Variants in DIS3L2 observed in about 807,000 individuals in gnomAD.
The protein encoded by DIS3L2 is DIS3-like exonuclease 2.
DIS3L2 carries 34 observed loss-of-function variants against 97.5 expected under a neutral mutation model. The ratio of observed to expected loss-of-function variants is 0.35; its 90% CI spans 0.27 to 0.46. The LOEUF (loss-of-function observed/expected upper bound fraction) is 0.46, where lower values mean the gene tolerates loss of function less well. DIS3L2 is among the 20% of genes least tolerant of loss of function. The probability of loss-of-function intolerance (pLI) is 1.00; values close to 1 mark genes in which losing one functional copy is unlikely to be tolerated. For missense variants in DIS3L2, 1,038 were observed against 1,146.0 expected (o/e 0.91, Z 1.36); for synonymous variants, 435 against 445.2 (o/e 0.98, Z 0.29).
intron 3 of DIS3L2, among the ~76,000 whole-genome samples, chr2:232,017,247 T>C (rs1004395696): frequency 2.3e-4 from 35 of 152,108 alleles, no homozygotes; most frequent in African/African-American, 8.0e-4. Context: ...AAATTAGTCA[T>C]GCCATCATGC....
At chr2:232,219,732 C>A (rs994078958) in intron 10 of DIS3L2, among the ~76,000 whole-genome samples, 1 of 152,102 alleles carries the variant, frequency 6.6e-6, no homozygotes, top group Non-Finnish European at 1.5e-5. Context: ...ACTGCTCTTC[C>A]CTTTTCATCC....
At chr2:232,149,104 C>T (rs957999869) in intron 8 of DIS3L2, among the ~76,000 whole-genome samples, 2 of 148,702 alleles carry the variant, frequency 1.3e-5, no homozygotes, top group South Asian at 2.1e-4. Context: ...TCAGATGGTG[C>T]GTGAAAATGA....
chr2:232,343,512 A>G (rs1172635567), exon 14 of DIS3L2: 1 of 1,558,608 alleles, frequency 6.4e-7, no homozygotes, highest in African/African-American at 1.4e-5. Flanking sequence ...AGAGCCGTGT[A>G]TTGGAAGCAA....
chr2:231,964,462 G>C (rs1692656697), intron 1 of DIS3L2, among the ~76,000 whole-genome samples: 1 of 152,072 alleles, frequency 6.6e-6, no homozygotes, highest in African/African-American at 2.4e-5. Context: ...TAATAGCATG[G>C]ACTTACACTT....
At chr2:232,115,006 G>C (rs769270870) in intron 6 of DIS3L2, among the ~76,000 whole-genome samples, 1 of 152,100 alleles carries the variant, frequency 6.6e-6, no homozygotes, top group Non-Finnish European at 1.5e-5. Flanking sequence ...AGCTGAATGT[G>C]TTAGCTCAGG....
chr2:232,250,891 G>GA (rs60073493), intron 12 of DIS3L2, among the ~76,000 whole-genome samples: 1,872 of 152,074 alleles, frequency 0.012, 45 homozygotes, highest in African/African-American at 0.043. Context: ...AAAACATAAA[G>GA]ATACTAACCT....
At chr2:232,309,223 A>C (rs1695060513) in intron 14 of DIS3L2, among the ~76,000 whole-genome samples, 1 of 152,042 alleles carries the variant, frequency 6.6e-6, no homozygotes, top group South Asian at 2.1e-4. Context: ...CCCTTTGCCC[A>C]CTAGGTAGTG....
intron 5 of DIS3L2, among the ~76,000 whole-genome samples, chr2:232,060,513 A>G (rs1040619080): frequency 6.6e-6 from 1 of 152,006 alleles, no homozygotes; most frequent in East Asian, 1.9e-4. Flanking sequence ...TCTGTTCTCT[A>G]TGTGTCTGTT....
chr2:231,994,780 T>C (rs1693684162), intron 1 of DIS3L2, among the ~76,000 whole-genome samples: 1 of 151,960 alleles, frequency 6.6e-6, no homozygotes, highest in Non-Finnish European at 1.5e-5. Flanking sequence ...CGCTTGTGTT[T>C]ATTTTTTCTT....
chr2:231,969,408 T>C (rs1692828616), intron 1 of DIS3L2, among the ~76,000 whole-genome samples: 1 of 151,562 alleles, frequency 6.6e-6, no homozygotes, highest in South Asian at 2.1e-4. Flanking sequence ...CCTCCCAGGT[T>C]CAAGCAATTC....
At chr2:232,320,856 C>T (rs1026863836) in intron 14 of DIS3L2, among the ~76,000 whole-genome samples, 1 of 152,200 alleles carries the variant, frequency 6.6e-6, no homozygotes, top group Non-Finnish European at 1.5e-5. Flanking sequence ...CCCCACCCAA[C>T]AGCCTATGGT....
rs533489062 is a variant in DIS3L2, at chr2:231,971,327, C to T, written c.-94+9562C>T. On this transcript the variant is annotated intron_variant, in intron 1 of 20. Transcript: ENST00000325385. Reference sequence around the variant, plus strand: ...CTTTCGCCAGGCTGGAGTGCAGTGGCGCGATCTGGCTCACTGCAACTTCTG... The same window carrying T: ...CTTTCGCCAGGCTGGAGTGCAGTGGTGCGATCTGGCTCACTGCAACTTCTG... Among the ~76,000 whole-genome samples the T allele has an allele frequency of 1.9e-4, 28 of 151,318 alleles. 1 individual carries two copies. In the East Asian group the frequency reaches 5.0e-3, roughly 27 times the overall value.
intron 14 of DIS3L2, among the ~76,000 whole-genome samples, chr2:232,305,886 C>T (rs1412155996): frequency 1.3e-5 from 2 of 151,098 alleles, no homozygotes; most frequent in South Asian, 2.1e-4. Context: ...GCCCAGGAGG[C>T]AGAGGATGCA....
At chr2:232,098,218 G>A (rs547184868) in intron 6 of DIS3L2, among the ~76,000 whole-genome samples, 37 of 152,236 alleles carry the variant, frequency 2.4e-4, no homozygotes, top group Middle Eastern at 3.4e-3. Flanking sequence ...AAAGCAAGGC[G>A]GAGGAACAAT....
intron 5 of DIS3L2, among the ~76,000 whole-genome samples, chr2:232,072,783 GGTGTGTGTGTGTGTGTGTGTGT>G (rs56884799): frequency 7.2e-6 from 1 of 139,812 alleles, no homozygotes; most frequent in East Asian, 2.3e-4. Flanking sequence ...TGGGATGTGG[GGTGTGTGTGTGTGTGTGTGTGT>G]GTGTGTGTGT....
chr2:232,118,246 T>A (rs1697786648), intron 6 of DIS3L2, among the ~76,000 whole-genome samples: 1 of 152,140 alleles, frequency 6.6e-6, no homozygotes, highest in Non-Finnish European at 1.5e-5. Flanking sequence ...CAATATTTCG[T>A]TGGTTAGAAA....
chr2:232,086,215 A>G (rs941586825), intron 5 of DIS3L2, among the ~76,000 whole-genome samples: 5 of 151,896 alleles, frequency 3.3e-5, no homozygotes, highest in Admixed American at 3.3e-4. Context: ...ACGTATATAT[A>G]CACACGTATA....
chr2:232,122,769 A>C (rs900855019), intron 6 of DIS3L2, among the ~76,000 whole-genome samples: 6 of 152,072 alleles, frequency 3.9e-5, no homozygotes, highest in Non-Finnish European at 8.8e-5. Context: ...ACAACAACAA[A>C]AACATTAATA....
chr2:232,344,028 T>C (rs1696169415), exon 14 of DIS3L2: 3 of 160,388 alleles, frequency 1.9e-5, no homozygotes, highest in Non-Finnish European at 4.1e-5. Context: ...CGTCATCTGG[T>C]GTACTGTAGG....
Sources: gnomAD v4.1 joint callset for allele counts (sites outside exome capture counted in the v4.1 genomes callset) on GRCh38, gnomAD v4.1.1 for gene constraint, MANE v1.5 for transcripts, NCBI Gene and HGNC (gene_info 2026-07-23, HGNC 2026-07-21) for gene names.